The following ACSM4 variants were observed in gnomAD, a reference collection of about 807,000 sequenced individuals.
The protein encoded by ACSM4 is acyl-coenzyme A synthetase ACSM4, mitochondrial.
Under a neutral mutation model 73.0 loss-of-function variants are expected in ACSM4, and 66 were observed. That is an observed-to-expected ratio of 0.90 (90% CI 0.74 to 1.11). ACSM4 has a LOEUF of 1.11. Among genes scored for constraint, ACSM4 ranks in the 50% least tolerant of loss-of-function variants. The pLI, the probability that ACSM4 is intolerant of heterozygous loss-of-function variation, is 0.00. For synonymous variants in ACSM4, 222 were observed against 254.0 expected (o/e 0.87, Z 1.20); for missense variants, 645 against 714.4 (o/e 0.90, Z 1.11).
Position 7,304,357 on chromosome 12 carries a change from C to A in ACSM4, c.26C>A (p.Thr9Lys). 2 of 1,613,944 alleles carry A rather than the reference C, an allele frequency of 1.2e-6. No individual in the cohort carries two copies. Among genetic ancestry groups the A allele is most frequent in the Middle Eastern group, 1.7e-4 (1 of 6,060 alleles). ...ATGAAGATTTTTTTCCGCTACCAGA[C>A]ATTTAGATTCATCTGGCTCACCAAG... Reference protein sequence around the residue: MKIFFRYQTFRFIWLTKPP... With the variant: MKIFFRYQKFRFIWLTKPP... The change falls in exon 1 of 13, where the codon ACA (threonine) becomes AAA (lysine). Residue 9 changes from threonine (T) to lysine (K), a missense_variant. Coordinates refer to ENST00000399422, the MANE Select transcript of ACSM4 (RefSeq NM_001080454.2).
intron 6 of ACSM4, 150 bp downstream of exon 6, chr12:7,320,954 G>C (rs1041951634): frequency 1.4e-6 from 1 of 727,816 alleles, no homozygotes; most frequent in Non-Finnish European, 2.4e-6. Flanking sequence ...TCGGAGGACG[G>C]TCGTATGCAT....
rs1190821523 is a variant in ACSM4, at chr12:7,306,644, C to T, written c.313C>T (p.Leu105Phe). 1 of 1,609,134 alleles carries T rather than the reference C, an allele frequency of 6.2e-7. No individual in the cohort carries two copies. Among genetic ancestry groups the T allele is most frequent in the Non-Finnish European group, 8.5e-7 (1 of 1,177,930 alleles). The change falls in exon 2 of 13, where the codon CTC becomes TTC. Residue 105 changes from leucine (L) to phenylalanine (F), a missense_variant. Coordinates refer to ENST00000399422, the MANE Select transcript of ACSM4 (RefSeq NM_001080454.2). Reference protein sequence around the residue: ...GSLSRKAANVLTKPCGLQRGD... With the variant: ...GSLSRKAANVFTKPCGLQRGD... Reference sequence around the variant, plus strand: ...CTTGTCCCGAAAAGCTGCCAACGTGCTCACCAAGCCCTGTGGCCTGCAGAG... The same window carrying T: ...CTTGTCCCGAAAAGCTGCCAACGTGTTCACCAAGCCCTGTGGCCTGCAGAG...
chr12:7,320,336 T>C (rs1029624577), intron 5 of ACSM4, among the ~76,000 whole-genome samples: 1 of 152,222 alleles, frequency 6.6e-6, no homozygotes, highest in Admixed American at 6.5e-5. Flanking sequence ...TCCCAGTAGG[T>C]TAGCTTATAC....
intron 2 of ACSM4, among the ~76,000 whole-genome samples, chr12:7,309,260 C>T (rs1946377265): frequency 6.6e-6 from 1 of 152,212 alleles, no homozygotes; most frequent in South Asian, 2.1e-4. Flanking sequence ...TGCCAGACCA[C>T]TGGAATCCAT....
intron 9 of ACSM4, among the ~76,000 whole-genome samples, 189 bp downstream of exon 9, chr12:7,323,749 G>T (rs1281492123): frequency 6.6e-6 from 1 of 152,130 alleles, no homozygotes. Context: ...CAGTTGCAGT[G>T]GTTATCCTCA....
intron 1 of ACSM4, 70 bp downstream of exon 1, chr12:7,304,602 T>G: frequency 6.6e-7 from 1 of 1,503,774 alleles, no homozygotes; most frequent in Non-Finnish European, 9.2e-7. Context: ...TTCCTTGTTC[T>G]GTGGTCTACC....
chr12:7,324,275 C>T lies in ACSM4; in HGVS notation c.1311C>T (p.Asp437=). ...RPFCFFSKYV[D]NPQKTAATIR... ...CAAATGTCATCCTTGGTTCCCAGGA[C>T]AATCCACAGAAAACTGCTGCCACGA... is the stretch of plus-strand genomic sequence containing the variant. The change falls in exon 10 of 13, where the codon GAC becomes GAT. Residue 437 remains aspartate (D), a splice_region_variant and synonymous_variant. Coordinates refer to ENST00000399422, the MANE Select transcript of ACSM4 (RefSeq NM_001080454.2). 1 of 1,611,868 alleles carries T rather than the reference C, an allele frequency of 6.2e-7. No individual in the cohort carries two copies. Among genetic ancestry groups the T allele is most frequent in the South Asian group, 1.1e-5 (1 of 90,728 alleles).
At chr12:7,311,680 T>TTTGTTG (rs1000182068) in intron 3 of ACSM4, among the ~76,000 whole-genome samples, 2 of 152,080 alleles carry the variant, frequency 1.3e-5, no homozygotes, top group Admixed American at 6.6e-5. Flanking sequence ...TGCCACCTTT[T>TTTGTTG]TTGTTGTTGT....
chr12:7,319,697 A>G (rs2136334093), intron 5 of ACSM4, among the ~76,000 whole-genome samples: 1 of 152,148 alleles, frequency 6.6e-6, no homozygotes, highest in East Asian at 1.9e-4. Flanking sequence ...AACAGAAACC[A>G]GTCTGTCCTT....
chr12:7,307,847 G>GC (rs1456916410), intron 2 of ACSM4, among the ~76,000 whole-genome samples: 2 of 152,146 alleles, frequency 1.3e-5, no homozygotes, highest in Non-Finnish European at 2.9e-5. Flanking sequence ...TGCTATCTGG[G>GC]CCTTTATTGA....
In ACSM4 at chr12:7,324,578, C is replaced by A; in HGVS notation, c.1516C>A (p.Pro506Thr). Residue 506 changes from proline (P) to threonine (T), a missense_variant, in exon 11 of 13, where the codon CCA (proline) becomes ACA (threonine). By Grantham distance (38) the Pro-to-Thr change is conservative. Coordinates refer to ENST00000399422, the MANE Select transcript of ACSM4 (RefSeq NM_001080454.2). ...TGTTGAATCGGCTGTTGTCAGTAGT[C>A]CAGATCAAATCCGCGGAGAGGTAGA... is the stretch of plus-strand genomic sequence containing the variant. ...AVVESAVVSS[P>T]DQIRGEVVKA... The A allele has an allele frequency of 6.2e-7, 1 of 1,613,816 alleles. No individual in the cohort carries two copies. The highest frequency in any genetic ancestry group is 1.1e-5 in the South Asian group (1 of 91,070).
intron 3 of ACSM4, among the ~76,000 whole-genome samples, chr12:7,311,650 C>T (rs1226490428): frequency 1.3e-5 from 2 of 152,190 alleles, no homozygotes; most frequent in East Asian, 3.8e-4. Context: ...CAAATTCAGG[C>T]CCACAGGCCA....
intron 12 of ACSM4, among the ~76,000 whole-genome samples, chr12:7,327,906 A>G (rs376671144): frequency 2.6e-5 from 4 of 152,224 alleles, no homozygotes; most frequent in East Asian, 1.9e-4. Flanking sequence ...ATCCCTAAAA[A>G]TCTTCCTCAA....
chr12:7,311,675 C>T (rs2136330071), intron 3 of ACSM4, among the ~76,000 whole-genome samples: 1 of 152,264 alleles, frequency 6.6e-6, no homozygotes, highest in East Asian at 1.9e-4. Flanking sequence ...TGGCCTGCCA[C>T]CTTTTTTGTT....
intron 12 of ACSM4, among the ~76,000 whole-genome samples, chr12:7,327,472 C>G (rs1946516853): frequency 6.6e-6 from 1 of 152,124 alleles, no homozygotes; most frequent in South Asian, 2.1e-4. Context: ...AAAGTACATG[C>G]CTTGAAGTAT....
intron 11 of ACSM4, among the ~76,000 whole-genome samples, chr12:7,325,148 G>T (rs1233706750): frequency 2.0e-5 from 3 of 152,256 alleles, no homozygotes; most frequent in Non-Finnish European, 2.9e-5. Context: ...GGTACATGCT[G>T]ATCGGTCAGA....
At chr12:7,327,813 G>A (rs1946520172) in intron 12 of ACSM4, among the ~76,000 whole-genome samples, 1 of 152,146 alleles carries the variant, frequency 6.6e-6, no homozygotes, top group Admixed American at 6.5e-5. Flanking sequence ...AAATACAGTA[G>A]TCTTATTTTG....
Position 7,310,706 on chromosome 12 carries a change from C to T in ACSM4, c.580C>T (p.Gln194Ter). The T allele has an allele frequency of 4.3e-6, 7 of 1,613,492 alleles. No individual in the cohort carries two copies. The highest frequency in any genetic ancestry group is 1.7e-4 in the Middle Eastern group (1 of 6,060). ...TAAGACAAAACTCCTGGTGTCTCCA[C>T]AAAGCTGGAATGGGTGGCTCAGCTT... ...DLKTKLLVSP[Q>*]SWNGWLSFQE... Residue 194 changes from glutamine to a stop codon, truncating the protein, a stop_gained, in exon 3 of 13, where the codon CAA (glutamine) becomes TAA (stop). Transcript: ENST00000399422. LOFTEE classifies it high-confidence loss of function.
chr12:7,320,133 G>A (rs1467167986), intron 5 of ACSM4, among the ~76,000 whole-genome samples: 3 of 152,190 alleles, frequency 2.0e-5, no homozygotes, highest in African/African-American at 7.2e-5. Flanking sequence ...TTCTCCAGAA[G>A]GAGGAGCTCT....
Sources: gnomAD v4.1 joint callset for allele counts (sites outside exome capture counted in the v4.1 genomes callset) on GRCh38, gnomAD v4.1.1 for gene constraint, MANE v1.5 for transcripts, NCBI Gene and HGNC (gene_info 2026-07-23, HGNC 2026-07-21) for gene names.